The following POLR1B variants were observed in gnomAD, a reference collection of about 807,000 sequenced individuals.
POLR1B encodes the protein RNA polymerase I subunit B.
POLR1B carries 30 observed loss-of-function variants against 105.8 expected under a neutral mutation model. That is an observed-to-expected ratio of 0.28 (90% CI 0.21 to 0.38). The LOEUF (loss-of-function observed/expected upper bound fraction) is 0.38. POLR1B is among the 10% of genes least tolerant of loss of function. The pLI is 1.00. For missense variants in POLR1B, 976 were observed against 1,435.8 expected (o/e 0.68, Z 5.17); for synonymous variants, 485 against 505.1 (o/e 0.96, Z 0.53).
Position 112,559,414 on chromosome 2 carries a change from C to G in POLR1B, c.1452C>G (p.Thr484=). The part of the protein sequence containing the change: ...RGADFAKMRT[T]TVRRLLPESW... Reference sequence around the variant, plus strand: ...CTGATTTTGCCAAGATGAGGACCACCACAGTACGCAGGCTGCTGCCAGAGT... The same window carrying G: ...CTGATTTTGCCAAGATGAGGACCACGACAGTACGCAGGCTGCTGCCAGAGT... The change falls in exon 9 of 15, where the codon ACC becomes ACG. Residue 484 remains threonine, a synonymous_variant. Coordinates refer to ENST00000263331, the MANE Select transcript of POLR1B (RefSeq NM_019014.6). The G allele has an allele frequency of 6.2e-6, 10 of 1,614,238 alleles. No individual in the cohort carries two copies. The highest frequency in any genetic ancestry group is 8.5e-6 in the Non-Finnish European group (10 of 1,180,044).
intron 9 of POLR1B, 132 bp from the exon 10 acceptor site, chr2:112,564,234 C>A: frequency 9.3e-7 from 1 of 1,078,758 alleles, no homozygotes; most frequent in South Asian, 1.9e-5. Context: ...GAAATAATGC[C>A]TGTACCTGTT....
chr2:112,557,293 T>A (rs1045437536), intron 7 of POLR1B, among the ~76,000 whole-genome samples: 13 of 152,220 alleles, frequency 8.5e-5, no homozygotes, highest in African/African-American at 3.1e-4. Context: ...ATACCAGAAC[T>A]CATTCCTCCA....
Position 112,551,965 on chromosome 2 carries a change from A to G in POLR1B, c.953A>G (p.Tyr318Cys). The change falls in exon 6 of 15, where the codon TAC (tyrosine) becomes TGC (cysteine). Residue 318 changes from tyrosine (Y) to cysteine (C), a missense_variant. This residue lies in a region of POLR1B where 452 missense variants were observed against 616.5 expected (regional missense o/e 0.73). Transcript: ENST00000263331. Reference sequence around the variant, plus strand: ...GTAAAACTCAATGTTCCTGACTGGTACCCAAATGAGCAAGCTGCGGAGTTC... The same window carrying G: ...GTAAAACTCAATGTTCCTGACTGGTGCCCAAATGAGCAAGCTGCGGAGTTC... ...FRVKLNVPDW[Y>C]PNEQAAEFLF... The G allele has an allele frequency of 6.2e-7, 1 of 1,614,184 alleles. No individual in the cohort carries two copies.
intron 9 of POLR1B, among the ~76,000 whole-genome samples, chr2:112,562,153 C>CA (rs1227795664): frequency 6.6e-6 from 1 of 152,066 alleles, no homozygotes; most frequent in African/African-American, 2.4e-5. Flanking sequence ...TCGGGGGACT[C>CA]AAAGTTTTTT....
chr2:112,543,250 G>T lies in POLR1B; in HGVS notation c.177+579G>T, dbSNP rs112030255. On this transcript the variant is annotated intron_variant, in intron 1 of 14. Coordinates refer to ENST00000263331, the MANE Select transcript of POLR1B (RefSeq NM_019014.6). ...ATTCAAGTGAGTATGGTGGGGGAAA[G>T]CTTCGTTTAGTAAGCATCCCCAGTG... 3.0e-3 allele frequency among the ~76,000 whole-genome samples: 463 copies of T among 152,296 alleles called. 4 individuals carry two copies. Among genetic ancestry groups the T allele is most frequent in the African/African-American group, 0.011 (440 of 41,572 alleles).
Position 112,559,287 on chromosome 2 carries a change from A to T in POLR1B, c.1331-6A>T. The T allele has an allele frequency of 6.2e-7, 1 of 1,612,194 alleles. No homozygotes were observed. The highest frequency in any genetic ancestry group is 1.1e-5 in the South Asian group (1 of 91,062). The stretch of plus-strand genomic sequence containing the variant: ...CCCATTTTTGAATGACTTTTGTTTT[A>T]TTAAGGTCTTGGCCTCCTACAAGAT... On this transcript the variant is annotated splice_region_variant and splice_polypyrimidine_tract_variant and intron_variant, in intron 8 of 14. Transcript: ENST00000263331.
chr2:112,547,231 A>G, intron 2 of POLR1B, 52 bp downstream of exon 2: 1 of 1,594,232 alleles, frequency 6.3e-7, no homozygotes. Context: ...ATTTGGGAGT[A>G]GGGCGGGTGC....
At chr2:112,546,288 T>C (rs934647463) in intron 1 of POLR1B, among the ~76,000 whole-genome samples, 2 of 152,194 alleles carry the variant, frequency 1.3e-5, no homozygotes, top group African/African-American at 2.4e-5. Context: ...ACATTAAGCA[T>C]CTAGTCTTAA....
In POLR1B at chr2:112,558,226, A is replaced by C. The variant is rs13413001; in HGVS notation, c.1330+145A>C. 0.099 allele frequency: 51,721 copies of C among 522,952 alleles called. 3,448 individuals carry two copies. Among genetic ancestry groups the C allele is most frequent in the East Asian group, 0.31 (8,644 of 28,028 alleles). The allele number at this position is 522,952 out of a possible 1,614,324, so 32.4% of individuals were successfully genotyped here. On this transcript the variant is annotated intron_variant, in intron 8 of 14. Coordinates refer to ENST00000263331, the MANE Select transcript of POLR1B (RefSeq NM_019014.6). ...CTATGACTTCGACAACTATTGGTCT[A>C]AAGGGCTTTAGACAAGGTGTCTGTA... is the stretch of plus-strand genomic sequence containing the variant.
chr2:112,563,507 G>A (rs142437793), intron 9 of POLR1B, among the ~76,000 whole-genome samples: 3 of 152,256 alleles, frequency 2.0e-5, no homozygotes, highest in African/African-American at 2.4e-5. Context: ...AAACCCTGCC[G>A]CTGTTTTATC....
At chr2:112,569,725 A>G (rs1222455202) in intron 12 of POLR1B, among the ~76,000 whole-genome samples, 2 of 151,850 alleles carry the variant, frequency 1.3e-5, no homozygotes, top group South Asian at 2.1e-4. Flanking sequence ...ACACCCAGCT[A>G]ATTTTTGTAT....
At chr2:112,558,299 T>C (rs1337791583) in intron 8 of POLR1B, among the ~76,000 whole-genome samples, 2 of 152,164 alleles carry the variant, frequency 1.3e-5, no homozygotes, top group African/African-American at 4.8e-5. Context: ...TCTGCTTCCT[T>C]CTAGAAAATG....
In POLR1B at chr2:112,579,128, A is replaced by C. The variant is rs925533050; in HGVS notation, c.*3399A>C. Among the ~76,000 whole-genome samples the C allele has an allele frequency of 4.1e-5, 6 of 147,778 alleles. No homozygotes were observed. Among genetic ancestry groups the C allele is most frequent in the East Asian group, 4.0e-4 (2 of 5,054 alleles). On this transcript the variant is annotated 3_prime_UTR_variant, in exon 15 of 15. Transcript: ENST00000263331. Reference sequence around the variant, plus strand: ...GAGGCTGAGACAGGAGAATCACTTGAACCCAGGAGGCAGAGGTTGCAGTGA... The same window carrying C: ...GAGGCTGAGACAGGAGAATCACTTGCACCCAGGAGGCAGAGGTTGCAGTGA...
In POLR1B at chr2:112,551,005, A is replaced by T; in HGVS notation, c.762+3A>T. The T allele has an allele frequency of 6.2e-7, 1 of 1,612,288 alleles. No homozygotes were observed. The highest frequency in any genetic ancestry group is 1.1e-5 in the South Asian group (1 of 91,044). On this transcript the variant is annotated splice_donor_region_variant and intron_variant, in intron 5 of 14. Coordinates refer to ENST00000263331, the MANE Select transcript of POLR1B (RefSeq NM_019014.6). ...TTCCTTTGGGATTTGCACTTAAGGT[A>T]TGACTTAATGAATGCATTCTTTTGT...
At chr2:112,550,526 T>C (rs949970601) in intron 4 of POLR1B, among the ~76,000 whole-genome samples, 9 of 152,126 alleles carry the variant, frequency 5.9e-5, no homozygotes, top group Non-Finnish European at 1.0e-4. Context: ...CTTTTCTCCA[T>C]TGGAACTATT....
chr2:112,567,407 G>T (rs1293978115), intron 10 of POLR1B, among the ~76,000 whole-genome samples: 1 of 151,282 alleles, frequency 6.6e-6, no homozygotes, highest in East Asian at 2.0e-4. Context: ...TTTGAGACAG[G>T]GTCACTCTGT....
At chr2:112,557,149 G>T (rs562332863) in intron 7 of POLR1B, among the ~76,000 whole-genome samples, 1 of 152,148 alleles carries the variant, frequency 6.6e-6, no homozygotes. Context: ...AGCCAGGCAT[G>T]GTGGCACATA....
chr2:112,573,032 T>C (rs761952393), intron 13 of POLR1B, among the ~76,000 whole-genome samples: 5 of 152,346 alleles, frequency 3.3e-5, no homozygotes, highest in Non-Finnish European at 7.3e-5. Flanking sequence ...CTTTTATATT[T>C]AAGTATGATT....
chr2:112,544,065 G>T (rs748275185), intron 1 of POLR1B, among the ~76,000 whole-genome samples: 5 of 151,808 alleles, frequency 3.3e-5, no homozygotes, highest in Non-Finnish European at 5.9e-5. Context: ...CTCCATCCTC[G>T]GTAACAGAGT....
Sources: allele counts gnomAD v4.1 joint callset (sites outside exome capture counted in the v4.1 genomes callset), GRCh38; gene constraint gnomAD v4.1.1; regional missense constraint gnomAD v4.1.1; transcripts MANE v1.5; gene names NCBI Gene and HGNC (gene_info 2026-07-23, HGNC 2026-07-21).